Variants in EPHA5 observed in about 807,000 individuals in gnomAD.
EPHA5 encodes EPH receptor A5.
A neutral mutation model predicts 105.0 loss-of-function variants in EPHA5; 60 were observed. The observed-to-expected ratio is 0.57, with a 90% CI of 0.46 to 0.71. The LOEUF is 0.71. Ranked by LOEUF, EPHA5 falls within the 30% of genes least tolerant of loss-of-function variation. EPHA5 has a pLI of 0.00. For synonymous variants in EPHA5, 513 were observed against 449.1 expected (o/e 1.14, Z -1.80); for missense variants, 1,218 against 1,274.7 (o/e 0.96, Z 0.68).
At chr4:65,347,905 AT>A in intron 14 of EPHA5, 148 bp downstream of exon 14, 1 of 779,508 alleles carries the variant, frequency 1.3e-6, no homozygotes, top group Non-Finnish European at 1.9e-6. Context: ...CTTAAAGGAT[AT>A]TTCAACAACA....
intron 8 of EPHA5, among the ~76,000 whole-genome samples, chr4:65,401,460 GT>G (rs1721813241): frequency 6.6e-6 from 1 of 152,008 alleles, no homozygotes; most frequent in Non-Finnish European, 1.5e-5. Flanking sequence ...GGCCAAAGAT[GT>G]TTCTATCACA....
chr4:65,541,611 GA>G (rs1221181163), intron 3 of EPHA5, among the ~76,000 whole-genome samples: 32 of 152,026 alleles, frequency 2.1e-4, no homozygotes, highest in African/African-American at 7.0e-4. Context: ...CAAGTTCTTA[GA>G]GACCTACAAA....
chr4:65,632,550 A>G (rs1320949472), intron 2 of EPHA5, among the ~76,000 whole-genome samples: 2 of 151,710 alleles, frequency 1.3e-5, no homozygotes, highest in Non-Finnish European at 2.9e-5. Flanking sequence ...AAAAAAAAAA[A>G]AAATCTGCAG....
intron 5 of EPHA5, among the ~76,000 whole-genome samples, chr4:65,462,493 C>A (rs1051239069): frequency 6.6e-6 from 1 of 152,120 alleles, no homozygotes; most frequent in African/African-American, 2.4e-5. Context: ...ATCCACAGGT[C>A]TGTATTCATC....
Position 65,345,269 on chromosome 4 carries a change from A to C in EPHA5, c.2595+2785T>G, listed in dbSNP as rs138373926. ...GCAGGGCATAAAGAAAACCAATTTTAGCAATTTTAAGTGACTACAAGAAGG... is the reference window on the plus strand; with the variant it reads ...GCAGGGCATAAAGAAAACCAATTTTCGCAATTTTAAGTGACTACAAGAAGG... On this transcript the variant is annotated intron_variant, in intron 14 of 16. Transcript: ENST00000613740. 2.6e-4 allele frequency among the ~76,000 whole-genome samples: 39 copies of C among 152,326 alleles called. No individual in the cohort carries two copies. The East Asian group carries it at 6.0e-3, about 23-fold the overall frequency.
At chr4:65,654,576 G>A (rs889769696) in intron 1 of EPHA5, among the ~76,000 whole-genome samples, 2 of 151,038 alleles carry the variant, frequency 1.3e-5, no homozygotes, top group African/African-American at 4.8e-5. Flanking sequence ...TATTACCTGT[G>A]AAGTCATCCA....
At chr4:65,395,616 A>T (rs1202026087) in intron 8 of EPHA5, among the ~76,000 whole-genome samples, 3 of 152,212 alleles carry the variant, frequency 2.0e-5, no homozygotes, top group Admixed American at 6.5e-5. Flanking sequence ...TTTGCTTCAG[A>T]AAACTGAGAC....
Position 65,320,126 on chromosome 4 carries a change from T to C in EPHA5, c.*3988A>G, listed in dbSNP as rs568656382. 6.9e-4 allele frequency: 159 copies of C among 230,394 alleles called. 1 individual carries two copies. Among genetic ancestry groups the C allele is most frequent in the African/African-American group, 3.0e-3 (137 of 45,288 alleles). 14.3% of individuals were successfully genotyped at this position (230,394 alleles called of 1,614,324 possible). On this transcript the variant is annotated 3_prime_UTR_variant, in exon 17 of 17. Transcript: ENST00000613740. ...CTGAACAAGAACATTCAATCATTTA[T>C]GTGTGAAAAGATTTCTTCATAAATG... is the stretch of plus-strand genomic sequence containing the variant.
At chr4:65,560,614 C>A (rs1738909272) in intron 3 of EPHA5, among the ~76,000 whole-genome samples, 1 of 151,984 alleles carries the variant, frequency 6.6e-6, no homozygotes, top group Admixed American at 6.6e-5. Flanking sequence ...AATGCCATTT[C>A]TTTTTATTTC....
intron 3 of EPHA5, among the ~76,000 whole-genome samples, chr4:65,581,809 T>C (rs145268451): frequency 5.3e-5 from 8 of 151,912 alleles, no homozygotes; most frequent in African/African-American, 1.9e-4. Context: ...AATAACTTGG[T>C]TTATATGCTA....
intron 13 of EPHA5, 65 bp from the exon 14 acceptor site, chr4:65,348,268 C>T (rs1722413523): frequency 6.9e-7 from 1 of 1,442,424 alleles, no homozygotes; most frequent in Non-Finnish European, 9.4e-7. Context: ...ACAGTGTTGC[C>T]TCACTGAAAA....
intron 3 of EPHA5, among the ~76,000 whole-genome samples, chr4:65,518,857 C>T (rs533320629): frequency 1.2e-4 from 18 of 152,100 alleles, no homozygotes; most frequent in African/African-American, 2.9e-4. Flanking sequence ...TAGGACCAGA[C>T]AGATTCACAG....
chr4:65,515,120 T>C (rs924065922), intron 3 of EPHA5, among the ~76,000 whole-genome samples: 5 of 152,136 alleles, frequency 3.3e-5, no homozygotes, highest in African/African-American at 1.2e-4. Context: ...CTAAAATCCA[T>C]TTCTCCTGCC....
chr4:65,503,072 A>G (rs1052209599), intron 3 of EPHA5, among the ~76,000 whole-genome samples: 7 of 151,806 alleles, frequency 4.6e-5, no homozygotes, highest in African/African-American at 1.7e-4. Flanking sequence ...TTGTGTACCC[A>G]TGAACATAAA....
Position 65,634,599 on chromosome 4 carries a change from A to G in EPHA5, c.246+8764T>C, listed in dbSNP as rs114451019. On this transcript the variant is annotated intron_variant, in intron 2 of 16. Transcript: ENST00000613740. ...ATGGGGTATGCTTTTTATTTTTCTA[A>G]AAAATAATGAATACAAAGCTACTTT... 2.1e-3 allele frequency among the ~76,000 whole-genome samples: 327 copies of G among 152,118 alleles called. 5 individuals are homozygous for G. Among genetic ancestry groups the G allele is most frequent in the African/African-American group, 7.5e-3 (310 of 41,558 alleles).
intron 16 of EPHA5, among the ~76,000 whole-genome samples, chr4:65,326,099 T>C (rs1026140851): frequency 6.7e-6 from 1 of 149,652 alleles, no homozygotes; most frequent in South Asian, 2.1e-4. Context: ...TATAAACATA[T>C]TTACACACCA....
intron 8 of EPHA5, among the ~76,000 whole-genome samples, chr4:65,387,381 A>G (rs1430839839): frequency 1.3e-5 from 2 of 152,018 alleles, no homozygotes; most frequent in African/African-American, 2.4e-5. Flanking sequence ...TATTTGAGAT[A>G]TACAGAAGTT....
At chr4:65,626,500 G>A (rs1362044582) in intron 2 of EPHA5, among the ~76,000 whole-genome samples, 1 of 152,044 alleles carries the variant, frequency 6.6e-6, no homozygotes, top group African/African-American at 2.4e-5. Flanking sequence ...ACTGCTTCAC[G>A]TATTTAATTC....
At chr4:65,425,476 C>A (rs577744607) in intron 5 of EPHA5, among the ~76,000 whole-genome samples, 1 of 152,080 alleles carries the variant, frequency 6.6e-6, no homozygotes, top group Non-Finnish European at 1.5e-5. Context: ...CCAGAAAATT[C>A]TGACTCTGTA....
Sources: gnomAD v4.1 joint callset for allele counts (sites outside exome capture counted in the v4.1 genomes callset) on GRCh38, gnomAD v4.1.1 for gene constraint, MANE v1.5 for transcripts, NCBI Gene and HGNC (gene_info 2026-07-23, HGNC 2026-07-21) for gene names.